Variants in LARS2 observed in about 807,000 individuals in gnomAD.
LARS2 encodes the protein leucine--tRNA ligase, mitochondrial.
Under a neutral mutation model 116.6 loss-of-function variants are expected in LARS2, and 81 were observed. The observed-to-expected ratio is 0.69, with a 90% CI of 0.58 to 0.84. The LOEUF (loss-of-function observed/expected upper bound fraction) is 0.84, where lower values mean the gene tolerates loss of function less well. LARS2 is among the 40% of genes least tolerant of loss of function. The pLI is 0.00. For missense variants in LARS2, 968 were observed against 1,114.5 expected, an observed-to-expected ratio of 0.87 and a Z score of 1.87; for synonymous variants, 396 against 407.2, an observed-to-expected ratio of 0.97 and a Z score of 0.33.
intron 6 of LARS2, among the ~76,000 whole-genome samples, chr3:45,440,709 G>A (rs893062499): frequency 2.0e-5 from 3 of 152,130 alleles, no homozygotes; most frequent in Non-Finnish European, 2.9e-5. Context: ...AAAGTGGACC[G>A]AGAAACCAAG....
At position 45,484,630 on chromosome 3, in the gene LARS2, A is replaced by AAAAAAT. The variant is rs1553634443; in HGVS notation, c.1019-1061_1019-1060insAAAATA. 4.1e-4 allele frequency among the ~76,000 whole-genome samples: 4 copies of AAAAAAT among 9,748 alleles called. 1 individual carries two copies. The highest frequency in any genetic ancestry group is 7.1e-4 in the African/African-American group (4 of 5,636). 6.4% of individuals were successfully genotyped at this position (9,748 alleles called of 152,430 possible). On this transcript the variant is annotated intron_variant, in intron 10 of 21. Transcript: ENST00000645846. ...AAAAAAAAAAAAAAAAAAAAAAAAA[A>AAAAAAT]ATATATATATATATATATTTAAAAT... is the stretch of plus-strand genomic sequence containing the variant.
intron 20 of LARS2, among the ~76,000 whole-genome samples, chr3:45,538,044 C>T (rs1376227593): frequency 6.6e-6 from 1 of 152,194 alleles, no homozygotes; most frequent in African/African-American, 2.4e-5. Flanking sequence ...CTCCCCTTGG[C>T]ATTACCACAT....
intron 19 of LARS2, among the ~76,000 whole-genome samples, chr3:45,523,105 T>A (rs1230614839): frequency 1.3e-5 from 2 of 152,212 alleles, no homozygotes; most frequent in Non-Finnish European, 2.9e-5. Flanking sequence ...GTTAGTTTTT[T>A]AATCAGAAAA....
rs1244376742 is a variant in LARS2 at position 45,400,320 on chromosome 3, G to A, written c.310G>A (p.Val104Ile). 6.2e-7 allele frequency: 1 copy of A among 1,613,926 alleles called. No individual in the cohort carries two copies. Among genetic ancestry groups the A allele is most frequent in the Non-Finnish European group, 8.5e-7 (1 of 1,179,870 alleles). ...TAAGCTGCACATGGGCCATGTGCGTGTCTACACCATCAGCGACACCATAGC... is the reference window on the plus strand; with the variant it reads ...TAAGCTGCACATGGGCCATGTGCGTATCTACACCATCAGCGACACCATAGC... ...SGKLHMGHVR[V>I]YTISDTIARF... Residue 104 changes from valine (V) to isoleucine (I), a missense_variant, in exon 4 of 22, where the codon GTC becomes ATC. By Grantham distance (29) the Val-to-Ile change is conservative (BLOSUM62 3). Coordinates refer to ENST00000645846, the MANE Select transcript of LARS2 (RefSeq NM_015340.4).
intron 6 of LARS2, among the ~76,000 whole-genome samples, chr3:45,428,068 G>A (rs1698626467): frequency 6.6e-6 from 1 of 151,782 alleles, no homozygotes; most frequent in African/African-American, 2.4e-5. Flanking sequence ...TGATCCACCC[G>A]CCTCGGCCTC....
chr3:45,513,098 A>T, intron 15 of LARS2, 37 bp from the exon 16 acceptor site: 1 of 1,373,588 alleles, frequency 7.3e-7, no homozygotes, highest in Non-Finnish European at 1.0e-6. Flanking sequence ...CTCATGTCCC[A>T]CTCCTCCTGT....
At chr3:45,470,590 C>T (rs1699505441) in intron 8 of LARS2, among the ~76,000 whole-genome samples, 1 of 152,134 alleles carries the variant, frequency 6.6e-6, no homozygotes, top group African/African-American at 2.4e-5. Context: ...CTATATAGGC[C>T]AAATGGCAAC....
intron 4 of LARS2, among the ~76,000 whole-genome samples, chr3:45,415,443 T>C (rs551280246): frequency 1.2e-3 from 189 of 152,332 alleles, no homozygotes; most frequent in South Asian, 7.7e-3. Context: ...GAGGTAGTTA[T>C]GCTATCATCC....
chr3:45,410,950 A>C (rs1298914534), intron 4 of LARS2, among the ~76,000 whole-genome samples: 1 of 152,228 alleles, frequency 6.6e-6, no homozygotes, highest in African/African-American at 2.4e-5. Flanking sequence ...TGGGTCTGCC[A>C]CATTTAGTAA....
intron 8 of LARS2, among the ~76,000 whole-genome samples, chr3:45,467,637 C>T (rs556574422): frequency 6.6e-6 from 1 of 152,058 alleles, no homozygotes; most frequent in South Asian, 2.1e-4. Flanking sequence ...AAGACATGTC[C>T]CAGTGTCAGA....
intron 16 of LARS2, among the ~76,000 whole-genome samples, chr3:45,513,599 G>A (rs558893091): frequency 6.6e-5 from 10 of 152,256 alleles, no homozygotes; most frequent in Non-Finnish European, 1.2e-4. Context: ...TCCAGAACTG[G>A]GGTACTCCCA....
intron 4 of LARS2, among the ~76,000 whole-genome samples, 179 bp from the exon 5 acceptor site, chr3:45,417,303 A>G (rs1423915187): frequency 6.6e-6 from 1 of 152,178 alleles, no homozygotes; most frequent in Non-Finnish European, 1.5e-5. Flanking sequence ...ATAACCTTCT[A>G]AGTTGTGTTC....
At chr3:45,540,214 G>A (rs949451525) in intron 20 of LARS2, among the ~76,000 whole-genome samples, 5 of 151,646 alleles carry the variant, frequency 3.3e-5, no homozygotes, top group South Asian at 4.2e-4. Flanking sequence ...AGCCAAGATC[G>A]CGCCACTGCA....
intron 1 of LARS2, among the ~76,000 whole-genome samples, chr3:45,389,648 AAGAAG>A (rs1456351115): frequency 6.6e-6 from 1 of 152,208 alleles, no homozygotes; most frequent in Non-Finnish European, 1.5e-5. Context: ...AAGGTTGTGG[AAGAAG>A]AGAAGAGTCT....
At chr3:45,397,302 G>A (rs1559454819) in intron 3 of LARS2, among the ~76,000 whole-genome samples, 1 of 152,048 alleles carries the variant, frequency 6.6e-6, no homozygotes, top group Non-Finnish European at 1.5e-5. Context: ...TGTCACAGAG[G>A]AAAATGACTT....
At chr3:45,391,378 G>A (rs1006045416) in intron 1 of LARS2, among the ~76,000 whole-genome samples, 1 of 151,318 alleles carries the variant, frequency 6.6e-6, no homozygotes, top group African/African-American at 2.4e-5. Flanking sequence ...CCAGCTACTC[G>A]AGAGGCTGAG....
intron 15 of LARS2, among the ~76,000 whole-genome samples, chr3:45,504,169 T>G (rs183213419): frequency 1.7e-4 from 26 of 152,136 alleles, no homozygotes; most frequent in African/African-American, 5.8e-4. Context: ...TATTTTTTTT[T>G]AAGTCCAGTG....
intron 20 of LARS2, among the ~76,000 whole-genome samples, chr3:45,541,314 C>T (rs981419885): frequency 2.0e-5 from 3 of 152,082 alleles, no homozygotes; most frequent in Admixed American, 6.5e-5. Flanking sequence ...GCTCCTCTCC[C>T]GAGAGGAAGT....
intron 11 of LARS2, among the ~76,000 whole-genome samples, chr3:45,486,009 C>T (rs1176440495): frequency 3.5e-5 from 1 of 28,574 alleles, no homozygotes; most frequent in East Asian, 0.025. Context: ...CTCGTTGCTA[C>T]TGAGAATAAG....
Sources: allele counts gnomAD v4.1 joint callset (sites outside exome capture counted in the v4.1 genomes callset), GRCh38; gene constraint gnomAD v4.1.1; transcripts MANE v1.5; gene names NCBI Gene and HGNC (gene_info 2026-07-23, HGNC 2026-07-21).